Variants in NUP133 observed in about 807,000 individuals in gnomAD.
NUP133 encodes the protein nuclear pore complex protein Nup133.
A neutral mutation model predicts 146.2 loss-of-function variants in NUP133; 66 were observed. The ratio of observed to expected loss-of-function variants is 0.45; its 90% CI spans 0.37 to 0.55. The LOEUF is 0.55. NUP133 is among the 20% of genes least tolerant of loss of function. The probability of loss-of-function intolerance (pLI) is 0.00; values close to 1 mark genes in which losing one functional copy is unlikely to be tolerated. For missense variants in NUP133, 1,277 were observed against 1,374.8 expected (o/e 0.93, Z 1.12); for synonymous variants, 521 against 498.8 (o/e 1.04, Z -0.59).
intron 16 of NUP133, among the ~76,000 whole-genome samples, chr1:229,465,892 C>CAAAAAAAAAAAAAAAAAAAA (rs71561801): frequency 2.6e-5 from 2 of 77,344 alleles, no homozygotes; most frequent in East Asian, 4.0e-4. Flanking sequence ...CCATGTCTCA[C>CAAAAAAAAAAAAAAAAAAAA]AAAAAAAAAA....
At chr1:229,499,096 T>C (rs1661731706) in intron 5 of NUP133, 1 of 437,246 alleles carries the variant, frequency 2.3e-6, no homozygotes, top group Middle Eastern at 3.4e-4. Context: ...GACAAAGTTT[T>C]GTTTTATGGC....
At chr1:229,501,931 G>T in intron 3 of NUP133, 68 bp downstream of exon 3, 2 of 1,150,880 alleles carry the variant, frequency 1.7e-6, no homozygotes, top group Non-Finnish European at 2.6e-6. Context: ...AAAAAATTAG[G>T]GTAAAAATGA....
intron 8 of NUP133, among the ~76,000 whole-genome samples, chr1:229,492,224 A>G (rs1023815666): frequency 1.3e-5 from 2 of 151,322 alleles, no homozygotes; most frequent in Non-Finnish European, 2.9e-5. Context: ...CTCCTGCCTC[A>G]GCCTCCCGAG....
intron 22 of NUP133, among the ~76,000 whole-genome samples, chr1:229,451,336 C>A (rs1036788110): frequency 1.1e-4 from 16 of 152,026 alleles, no homozygotes; most frequent in African/African-American, 3.4e-4. Context: ...GAGGTCAAGG[C>A]TGCAGTGAGC....
intron 16 of NUP133, among the ~76,000 whole-genome samples, chr1:229,465,785 G>A (rs1327911164): frequency 6.6e-6 from 1 of 151,426 alleles, no homozygotes; most frequent in Non-Finnish European, 1.5e-5. Context: ...AGCTACTTGG[G>A]AGACTGAGGC....
At chr1:229,452,376 C>T (rs1660470828) in intron 22 of NUP133, 149 bp downstream of exon 22, 1 of 494,796 alleles carries the variant, frequency 2.0e-6, no homozygotes, top group East Asian at 3.3e-5. Context: ...TGTTCCCAAA[C>T]AGCTTCAAAC....
In NUP133 at chr1:229,500,820, T is replaced by G. The variant is rs748367847; in HGVS notation, c.449A>C (p.His150Pro). ...AAGAGCCACTAAGTCGGCACTCCAG[T>G]GGAAATCACTAGGTGGCAGCTGAAG... is the stretch of plus-strand genomic sequence containing the variant. ...KELQLPPSDF[H>P]WSADLVALSY... is the part of the protein sequence containing the mutation. Residue 150 changes from histidine to proline, a missense_variant, in exon 4 of 26, where the codon CAC becomes CCC. His to Pro is a moderately conservative substitution (Grantham distance 77). Around this residue, in one of 3 missense-constraint regions of NUP133, gnomAD observed 319 missense variants for 306.9 expected, o/e 1.04. Coordinates refer to ENST00000261396, the MANE Select transcript of NUP133 (RefSeq NM_018230.3). 1 of 1,613,178 alleles carries G rather than the reference T, an allele frequency of 6.2e-7. No individual in the cohort carries two copies. Among genetic ancestry groups the G allele is most frequent in the Non-Finnish European group, 8.5e-7 (1 of 1,179,426 alleles).
chr1:229,499,746 A>C lies in NUP133; in HGVS notation c.586T>G (p.Tyr196Asp). 1 of 1,614,152 alleles carries C rather than the reference A, an allele frequency of 6.2e-7. No homozygotes were observed. The highest frequency in any genetic ancestry group is 8.5e-7 in the Non-Finnish European group (1 of 1,179,970). Residue 196 changes from tyrosine to aspartate, a missense_variant, in exon 5 of 26, where the codon TAC becomes GAC. This residue lies in a region of NUP133 where 319 missense variants were observed against 306.9 expected (regional missense o/e 1.04). Coordinates refer to ENST00000261396, the MANE Select transcript of NUP133 (RefSeq NM_018230.3). ...CCCGAATCTACAAAAGCCTCTGTGT[A>C]GGTATCTTCACCAGCAAGGCTTGGC... ...YWPSLAGEDT[Y>D]TEAFVDSGGD...
At chr1:229,493,832 A>G (rs1187035633) in intron 8 of NUP133, among the ~76,000 whole-genome samples, 2 of 152,158 alleles carry the variant, frequency 1.3e-5, no homozygotes, top group African/African-American at 4.8e-5. Context: ...TCAGAAAACT[A>G]TGTGAAAAAT....
Position 229,470,614 on chromosome 1 carries a change from G to T in NUP133, c.2042C>A (p.Ser681Tyr), listed in dbSNP as rs1339517333. 134 of 1,614,082 alleles carry T rather than the reference G, an allele frequency of 8.3e-5. No homozygotes were observed. Among genetic ancestry groups the T allele is most frequent in the Non-Finnish European group, 1.1e-4 (127 of 1,180,030 alleles). ...AAAGACATCTGCAGGAGTCAGGTTGGATGGGATTTCATACTCCCTCTTGTT... is the reference window on the plus strand; with the variant it reads ...AAAGACATCTGCAGGAGTCAGGTTGTATGGGATTTCATACTCCCTCTTGTT... ...ALNKREYEIP[S>Y]NLTPADVFFR... Residue 681 changes from serine to tyrosine, a missense_variant, in exon 15 of 26, where the codon TCC becomes TAC. Ser to Tyr is a moderately radical substitution (Grantham distance 144). Transcript: ENST00000261396.
intron 19 of NUP133, 78 bp from the exon 20 acceptor site, chr1:229,460,847 C>T (rs563009439): frequency 2.4e-6 from 3 of 1,236,268 alleles, no homozygotes; most frequent in Non-Finnish European, 2.3e-6. Flanking sequence ...TAACTTTGTT[C>T]TAAAGGCCTC....
chr1:229,450,645 T>C (rs183100635), intron 22 of NUP133, 40 bp from the exon 23 acceptor site: 5 of 988,384 alleles, frequency 5.1e-6, no homozygotes, highest in African/African-American at 1.6e-5. Flanking sequence ...TATACAATCA[T>C]GTAACTAATA....
rs865795546 is a variant in NUP133, at chr1:229,470,788, C to T, written c.1868G>A (p.Arg623His). 11 of 1,613,756 alleles carry T rather than the reference C, an allele frequency of 6.8e-6. No individual in the cohort carries two copies. Among genetic ancestry groups the T allele is most frequent in the African/African-American group, 2.7e-5 (2 of 74,894 alleles). ...CCCTCTAACTGGAAAACTGCCTAGACGTCCAAATAAGCCAACCTTGCAAAA... is the reference window on the plus strand; with the variant it reads ...CCCTCTAACTGGAAAACTGCCTAGATGTCCAAATAAGCCAACCTTGCAAAA... ...DFIHQVGLFG[R>H]LGSFPVRGTP... is the part of the protein sequence containing the mutation. Residue 623 changes from arginine (R) to histidine (H), a missense_variant, in exon 15 of 26, where the codon CGT becomes CAT. This residue lies in a region of NUP133 where 952 missense variants were observed against 1,047.0 expected (regional missense o/e 0.91). Transcript: ENST00000261396.
intron 7 of NUP133, 124 bp downstream of exon 7, chr1:229,495,768 A>C: frequency 1.0e-6 from 1 of 967,520 alleles, no homozygotes; most frequent in African/African-American, 1.6e-5. Context: ...ACTTAATCTG[A>C]TAACCATACA....
intron 21 of NUP133, among the ~76,000 whole-genome samples, chr1:229,456,624 G>A (rs1055143038): frequency 1.3e-5 from 2 of 151,906 alleles, no homozygotes; most frequent in African/African-American, 4.8e-5. Context: ...ACTGGAAAAC[G>A]GTAGTCAGAA....
chr1:229,482,507 G>T (rs1661239675), intron 12 of NUP133, among the ~76,000 whole-genome samples: 1 of 152,144 alleles, frequency 6.6e-6, no homozygotes, highest in Non-Finnish European at 1.5e-5. Context: ...GCAGAGCAGG[G>T]GGGCTGGATC....
intron 25 of NUP133, among the ~76,000 whole-genome samples, chr1:229,443,452 T>G (rs1006715391): frequency 1.3e-5 from 2 of 152,204 alleles, no homozygotes; most frequent in African/African-American, 4.8e-5. Flanking sequence ...TATAATGTAT[T>G]TCAGGTAACA....
chr1:229,464,929 A>C (rs1236516649), intron 17 of NUP133, 54 bp from the exon 18 acceptor site: 2 of 1,595,724 alleles, frequency 1.3e-6, no homozygotes, highest in African/African-American at 2.7e-5. Context: ...GTGATGGCTA[A>C]AGGAAAGACT....
At chr1:229,459,884 G>A (rs945648948) in intron 20 of NUP133, among the ~76,000 whole-genome samples, 5 of 152,002 alleles carry the variant, frequency 3.3e-5, no homozygotes, top group Admixed American at 6.6e-5. Context: ...ACTCACAAGC[G>A]GGATTGCCAG....
Sources: allele counts gnomAD v4.1 joint callset (sites outside exome capture counted in the v4.1 genomes callset), GRCh38; gene constraint gnomAD v4.1.1; regional missense constraint gnomAD v4.1.1; transcripts MANE v1.5; gene names NCBI Gene and HGNC (gene_info 2026-07-23, HGNC 2026-07-21).